The following NLN variants were observed in gnomAD, a reference collection of about 807,000 sequenced individuals.
The protein encoded by NLN is neurolysin, mitochondrial.
In NLN, 64 loss-of-function variants were observed where a neutral mutation model predicts 79.9. The ratio of observed to expected loss-of-function variants is 0.80; its 90% CI spans 0.65 to 0.99. The LOEUF is 0.99. NLN is among the 50% of genes least tolerant of loss of function. The pLI, the probability that NLN is intolerant of heterozygous loss-of-function variation, is 0.00. For missense variants in NLN, 835 were observed against 858.7 expected (o/e 0.97, Z 0.34); for synonymous variants, 267 against 296.6 (o/e 0.90, Z 1.02).
In NLN at chr5:65,808,346, C is replaced by T. The variant is rs181694246; in HGVS notation, c.1528-1169C>T. On this transcript the variant is annotated intron_variant, in intron 9 of 12. Coordinates refer to ENST00000380985, the MANE Select transcript of NLN (RefSeq NM_020726.5). ...TGCCTTCTCTGGTGGTTACATCCCTCTTCCCTTTCCCCTCCGTGTGGAGCC... is the reference window on the plus strand; with the variant it reads ...TGCCTTCTCTGGTGGTTACATCCCTTTTCCCTTTCCCCTCCGTGTGGAGCC... Among the ~76,000 whole-genome samples, 617 of 152,318 alleles carry T rather than the reference C, an allele frequency of 4.1e-3. 2 individuals are homozygous for T. Among genetic ancestry groups the T allele is most frequent in the Non-Finnish European group, 6.7e-3 (456 of 68,032 alleles).
intron 6 of NLN, among the ~76,000 whole-genome samples, chr5:65,782,928 A>G (rs2150758294): frequency 6.6e-6 from 1 of 152,334 alleles, no homozygotes; most frequent in Non-Finnish European, 1.5e-5. Context: ...TGGTATAATG[A>G]GAACCTGCTT....
intron 9 of NLN, among the ~76,000 whole-genome samples, chr5:65,808,549 G>A (rs567632763): frequency 6.6e-6 from 1 of 152,314 alleles, no homozygotes; most frequent in African/African-American, 2.4e-5. Flanking sequence ...AGGACTGTGT[G>A]AAGGTTAAAA....
intron 6 of NLN, 32 bp downstream of exon 6, chr5:65,781,453 T>TA: frequency 1.3e-6 from 2 of 1,494,164 alleles, no homozygotes; most frequent in Non-Finnish European, 1.9e-6. Flanking sequence ...CTTTTGTTTT[T>TA]AATGGAATAT....
chr5:65,807,541 A>G (rs777430568), intron 9 of NLN, among the ~76,000 whole-genome samples: 10 of 151,964 alleles, frequency 6.6e-5, no homozygotes, highest in Admixed American at 2.0e-4. Flanking sequence ...CCCAAGTTCA[A>G]GCAATTCTCC....
At chr5:65,749,450 G>C (rs964797558) in intron 1 of NLN, among the ~76,000 whole-genome samples, 18 of 152,302 alleles carry the variant, frequency 1.2e-4, no homozygotes, top group African/African-American at 3.6e-4. Context: ...CACTTCATGG[G>C]AGAGGCAGTG....
At chr5:65,727,359 A>G (rs1363096383) in intron 1 of NLN, among the ~76,000 whole-genome samples, 1 of 152,116 alleles carries the variant, frequency 6.6e-6, no homozygotes, top group African/African-American at 2.4e-5. Context: ...TTGTAGAGAT[A>G]GGATCTTGCT....
chr5:65,732,923 A>C, intron 1 of NLN: 1 of 505,912 alleles, frequency 2.0e-6, no homozygotes. Context: ...TGATGATGGG[A>C]ACAAACTTGT....
At chr5:65,800,510 C>A (rs1201593775) in intron 9 of NLN, among the ~76,000 whole-genome samples, 1 of 152,002 alleles carries the variant, frequency 6.6e-6, no homozygotes, top group African/African-American at 2.4e-5. Context: ...CCCATCTCTA[C>A]TAAAAATACA....
chr5:65,737,081 T>A lies in NLN; in HGVS notation c.41+14667T>A, dbSNP rs376786273. Among the ~76,000 whole-genome samples the A allele has an allele frequency of 2.5e-4, 38 of 152,142 alleles. 1 individual carries two copies. The highest frequency in any genetic ancestry group is 8.4e-4 in the African/African-American group (35 of 41,516). ...GATCATGCTGCTGCACTCCAGCCTA[T>A]GCGACAAAGGGAGACTCTGTCCAGC... On this transcript the variant is annotated intron_variant, in intron 1 of 12. Transcript: ENST00000380985.
chr5:65,786,227 G>C (rs1192432876), intron 7 of NLN, among the ~76,000 whole-genome samples: 3 of 152,138 alleles, frequency 2.0e-5, no homozygotes, highest in Non-Finnish European at 4.4e-5. Flanking sequence ...GGATTTAGTA[G>C]TCATAGCATG....
At chr5:65,782,435 C>A (rs988262065) in intron 6 of NLN, among the ~76,000 whole-genome samples, 1 of 152,220 alleles carries the variant, frequency 6.6e-6, no homozygotes, top group Non-Finnish European at 1.5e-5. Context: ...GTCAAAATAA[C>A]TATACCCAAA....
chr5:65,724,885 G>T (rs1758427890), intron 1 of NLN, among the ~76,000 whole-genome samples: 1 of 148,956 alleles, frequency 6.7e-6, no homozygotes, highest in South Asian at 2.1e-4. Flanking sequence ...CACTGCAAGC[G>T]CCGCCTCCCG....
intron 1 of NLN, among the ~76,000 whole-genome samples, chr5:65,752,430 G>T (rs1013468026): frequency 6.6e-6 from 1 of 152,160 alleles, no homozygotes; most frequent in East Asian, 1.9e-4. Flanking sequence ...ATTATTAGAC[G>T]TAATAACTGC....
intron 3 of NLN, among the ~76,000 whole-genome samples, chr5:65,766,644 A>C (rs546648437): frequency 1.3e-5 from 2 of 152,324 alleles, no homozygotes; most frequent in Admixed American, 1.3e-4. Context: ...CCTCCCCAAC[A>C]GTCCCCCATA....
At chr5:65,819,532 A>G (rs994077905) in intron 12 of NLN, among the ~76,000 whole-genome samples, 62 of 152,186 alleles carry the variant, frequency 4.1e-4, no homozygotes, top group African/African-American at 1.4e-3. Flanking sequence ...ATAGCTGCCA[A>G]AAGATACATG....
chr5:65,822,699 CT>C (rs754244193), intron 12 of NLN, 81 bp from the exon 13 acceptor site: 200 of 1,037,232 alleles, frequency 1.9e-4, no homozygotes, highest in Non-Finnish European at 2.9e-4. Context: ...TCCTTCACCC[CT>C]ACCCTCTCCT....
intron 12 of NLN, among the ~76,000 whole-genome samples, chr5:65,822,355 A>G (rs1418619522): frequency 6.6e-6 from 1 of 152,098 alleles, no homozygotes; most frequent in Non-Finnish European, 1.5e-5. Context: ...AAAGCAGCAG[A>G]AACCATTTGA....
chr5:65,749,842 T>G (rs935645148), intron 1 of NLN, among the ~76,000 whole-genome samples: 1 of 152,222 alleles, frequency 6.6e-6, no homozygotes, highest in African/African-American at 2.4e-5. Flanking sequence ...CTAATCATAT[T>G]ATCAATACCC....
intron 9 of NLN, among the ~76,000 whole-genome samples, chr5:65,797,860 G>C (rs1760203940): frequency 6.6e-6 from 1 of 152,160 alleles, no homozygotes; most frequent in African/African-American, 2.4e-5. Flanking sequence ...AGTGGGTTTT[G>C]AGTGAAGATC....
Sources: allele counts gnomAD v4.1 joint callset (sites outside exome capture counted in the v4.1 genomes callset), GRCh38; gene constraint gnomAD v4.1.1; transcripts MANE v1.5; gene names NCBI Gene and HGNC (gene_info 2026-07-23, HGNC 2026-07-21).